Variants in CDK5RAP2 observed in about 807,000 individuals in gnomAD.
CDK5RAP2 encodes CDK5 regulatory subunit associated protein 2.
In CDK5RAP2, 147 loss-of-function variants were observed where a neutral mutation model predicts 232.9. The observed-to-expected ratio is 0.63, with a 90% CI of 0.55 to 0.72. The LOEUF is 0.72. Ranked by LOEUF, CDK5RAP2 falls within the 30% of genes least tolerant of loss-of-function variation. The probability of loss-of-function intolerance (pLI) is 0.00; values close to 1 mark genes in which losing one functional copy is unlikely to be tolerated. For missense variants in CDK5RAP2, 2,195 were observed against 2,231.5 expected (o/e 0.98, Z 0.33); for synonymous variants, 833 against 833.7 (o/e 1.00, Z 0.01).
chr9:120,446,999 C>A (rs1456243585), intron 22 of CDK5RAP2, among the ~76,000 whole-genome samples: 3 of 152,188 alleles, frequency 2.0e-5, no homozygotes, highest in Admixed American at 6.5e-5. Context: ...CACACACACA[C>A]AAGAATGTAA....
At chr9:120,466,080 T>C (rs1409612352) in intron 18 of CDK5RAP2, among the ~76,000 whole-genome samples, 1 of 152,258 alleles carries the variant, frequency 6.6e-6, no homozygotes, top group African/African-American at 2.4e-5. Flanking sequence ...GAAAAAATAC[T>C]GAATTTTAAA....
chr9:120,471,642 C>A, intron 16 of CDK5RAP2, 106 bp downstream of exon 16: 1 of 1,511,790 alleles, frequency 6.6e-7, no homozygotes, highest in Non-Finnish European at 9.2e-7. Context: ...AAACGAAACC[C>A]CGTGTATGCT....
intron 15 of CDK5RAP2, among the ~76,000 whole-genome samples, chr9:120,473,780 G>T (rs1052661311): frequency 6.6e-6 from 1 of 152,238 alleles, no homozygotes; most frequent in African/African-American, 2.4e-5. Context: ...GAAAAAAAGA[G>T]ACTGTTTTAG....
At chr9:120,415,761 C>G (rs945727966) in intron 27 of CDK5RAP2, among the ~76,000 whole-genome samples, 1 of 152,082 alleles carries the variant, frequency 6.6e-6, no homozygotes, top group Non-Finnish European at 1.5e-5. Context: ...AAGTTATTTT[C>G]CAATGTCTTT....
At chr9:120,494,674 A>T (rs184576727) in intron 12 of CDK5RAP2, among the ~76,000 whole-genome samples, 2 of 152,278 alleles carry the variant, frequency 1.3e-5, no homozygotes, top group Admixed American at 1.3e-4. Context: ...TAATACAACT[A>T]ATAAGAATAG....
In CDK5RAP2 at chr9:120,568,376, A is replaced by C. The variant is rs2042722880; in HGVS notation, c.140T>G (p.Val47Gly). The C allele has an allele frequency of 6.2e-7, 1 of 1,613,244 alleles. No individual in the cohort carries two copies. The highest frequency in any genetic ancestry group is 2.2e-5 in the East Asian group (1 of 44,876). ...AGLGNGLLPN[V>G]SEETVSPTRA... The stretch of plus-strand genomic sequence containing the variant: ...GGTGGGAGACACTGTTTCTTCTGAC[A>C]CATTTGGGAGCACTGTAAAAAGGTA... Residue 47 changes from valine to glycine, a missense_variant, in exon 3 of 38, where the codon GTG becomes GGG. Coordinates refer to ENST00000349780, the MANE Select transcript of CDK5RAP2 (RefSeq NM_018249.6).
chr9:120,493,090 A>G (rs1475479735), intron 12 of CDK5RAP2, among the ~76,000 whole-genome samples: 4 of 152,210 alleles, frequency 2.6e-5, no homozygotes, highest in Admixed American at 6.5e-5. Flanking sequence ...ATATGCAAAT[A>G]TATCACTGGT....
chr9:120,427,210 A>C (rs2034964279), intron 25 of CDK5RAP2, among the ~76,000 whole-genome samples: 1 of 152,098 alleles, frequency 6.6e-6, no homozygotes, highest in Admixed American at 6.5e-5. Flanking sequence ...TCCCTGGGCC[A>C]CTCTGTGTCT....
intron 12 of CDK5RAP2, among the ~76,000 whole-genome samples, chr9:120,494,985 C>CGG: frequency 7.7e-6 from 1 of 130,286 alleles, no homozygotes; most frequent in South Asian, 2.4e-4. Context: ...GCCCGACCGC[C>CGG]GGGAGGATGG....
rs752862938 is a variant in CDK5RAP2, at chr9:120,539,157, C to A, written c.391G>T (p.Val131Phe). 3.7e-6 allele frequency: 6 copies of A among 1,613,924 alleles called. No homozygotes were observed. In the South Asian group the frequency reaches 6.6e-5, roughly 18 times the overall value. The change falls in exon 6 of 38, where the codon GTT (valine) becomes TTT (phenylalanine). Residue 131 changes from valine (V) to phenylalanine (F), a missense_variant. Coordinates refer to ENST00000349780, the MANE Select transcript of CDK5RAP2 (RefSeq NM_018249.6). Reference protein sequence around the residue: ...EQLLIKASKAVESLAEAGGSE... With the variant: ...EQLLIKASKAFESLAEAGGSE... ...CCACCTGCTTCAGCTAAGCTCTCAA[C>A]TGCTTTGCTGCAAAAAGAGGCACAG...
intron 12 of CDK5RAP2, among the ~76,000 whole-genome samples, chr9:120,504,474 G>C (rs946227957): frequency 1.1e-4 from 17 of 152,266 alleles, no homozygotes; most frequent in African/African-American, 2.9e-4. Flanking sequence ...TACTAAGAAA[G>C]GTATTCCTCC....
At chr9:120,408,808 T>C (rs868142806) in intron 30 of CDK5RAP2, among the ~76,000 whole-genome samples, 1 of 152,236 alleles carries the variant, frequency 6.6e-6, no homozygotes, top group South Asian at 2.1e-4. Context: ...CCTGCGCCCA[T>C]TCTGCCTGAA....
chr9:120,430,800 G>A (rs2035239126), intron 25 of CDK5RAP2, among the ~76,000 whole-genome samples: 1 of 152,074 alleles, frequency 6.6e-6, no homozygotes, highest in Non-Finnish European at 1.5e-5. Flanking sequence ...CTGCTATAAA[G>A]ACACATGCAC....
chr9:120,471,728 A>C lies in CDK5RAP2; in HGVS notation c.1858+20T>G, dbSNP rs1243963724. The C allele has an allele frequency of 1.9e-6, 3 of 1,613,886 alleles. No homozygotes were observed. Among genetic ancestry groups the C allele is most frequent in the Non-Finnish European group, 2.5e-6 (3 of 1,179,868 alleles). On this transcript the variant is annotated intron_variant, in intron 16 of 37. Transcript: ENST00000349780. ...CCAAGTGGAAAAACCAAAGAGAAGC[A>C]CATAGAATAAAGTGTGTACCTTCCC...
intron 8 of CDK5RAP2, 157 bp from the exon 9 acceptor site, chr9:120,528,954 A>G: frequency 1.5e-6 from 1 of 665,452 alleles, no homozygotes. Context: ...CACCCCACCC[A>G]AAGCCCTGCC....
intron 4 of CDK5RAP2, among the ~76,000 whole-genome samples, chr9:120,548,433 T>G (rs1292947866): frequency 6.6e-6 from 1 of 152,228 alleles, no homozygotes; most frequent in Admixed American, 6.5e-5. Context: ...TCTCAAGTTA[T>G]AAACTTATAT....
chr9:120,391,675 C>G (rs913233940), intron 36 of CDK5RAP2, among the ~76,000 whole-genome samples: 1 of 152,210 alleles, frequency 6.6e-6, no homozygotes, highest in Non-Finnish European at 1.5e-5. Flanking sequence ...ACTGGGATGC[C>G]TTTTCCTTAC....
chr9:120,439,115 C>G (rs540474484), intron 24 of CDK5RAP2, among the ~76,000 whole-genome samples: 1 of 152,260 alleles, frequency 6.6e-6, no homozygotes, highest in East Asian at 1.9e-4. Context: ...AAACCTTTAC[C>G]CTGAGCCCCC....
chr9:120,408,797 G>C (rs2033655926), intron 30 of CDK5RAP2, among the ~76,000 whole-genome samples: 1 of 152,234 alleles, frequency 6.6e-6, no homozygotes, highest in African/African-American at 2.4e-5. Context: ...TTGCCTCAGG[G>C]CCTGCGCCCA....
Sources: gnomAD v4.1 joint callset for allele counts (sites outside exome capture counted in the v4.1 genomes callset) on GRCh38, gnomAD v4.1.1 for gene constraint, MANE v1.5 for transcripts, NCBI Gene and HGNC (gene_info 2026-07-23, HGNC 2026-07-21) for gene names.